STX1B: variants seen among roughly 807,000 people sequenced by gnomAD.
STX1B encodes the protein syntaxin 1B.
A neutral mutation model predicts 39.4 loss-of-function variants in STX1B; 7 were observed. The observed-to-expected ratio is 0.18, with a 90% CI of 0.10 to 0.33. The LOEUF is 0.33. Ranked by LOEUF, STX1B falls within the 10% of genes least tolerant of loss-of-function variation. The pLI is 1.00. For synonymous variants in STX1B, 136 were observed against 144.1 expected, an observed-to-expected ratio of 0.94 and a Z score of 0.40; for missense variants, 198 against 383.2, an observed-to-expected ratio of 0.52 and a Z score of 4.04.
intron 1 of STX1B, among the ~76,000 whole-genome samples, chr16:31,004,028 T>A (rs752749157): frequency 6.6e-6 from 1 of 152,114 alleles, no homozygotes; most frequent in Non-Finnish European, 1.5e-5. Context: ...CAGACTGGGC[T>A]ACCTCCCCCA....
In STX1B at chr16:30,992,644, G is replaced by GGA; in HGVS notation, c.*176_*177insTC. ...TGCTGCGATCTACGTGCGGGGACGG[G>GGA]GGGGGGGTCCATGGCCCGGTGAGGT... On this transcript the variant is annotated 3_prime_UTR_variant, in exon 10 of 10. Transcript: ENST00000215095. 2.0e-6 allele frequency: 1 copy of GGA among 495,430 alleles called. No individual in the cohort carries two copies. The highest frequency in any genetic ancestry group is 3.6e-6 in the Non-Finnish European group (1 of 280,226). The allele number at this position is 495,430 out of a possible 1,614,324, so 30.7% of individuals were successfully genotyped here.
rs772649813 is a variant in STX1B, at chr16:30,997,067, G to C, written c.355-8C>G. ...CCGGGACAGTGTGGAGTGCTACGGT[G>C]GGGGTGGGGGGACAGACGGATCAGG... On this transcript the variant is annotated splice_region_variant and splice_polypyrimidine_tract_variant and intron_variant, in intron 5 of 9. Coordinates refer to ENST00000215095, the MANE Select transcript of STX1B (RefSeq NM_052874.5). The C allele has an allele frequency of 2.8e-5, 44 of 1,592,938 alleles. No homozygotes were observed. In the Admixed American group the frequency reaches 7.0e-4, roughly 25 times the overall value.
rs937499633 is a variant in STX1B, at chr16:30,992,549, C to T, written c.*272G>A. The T allele has an allele frequency of 1.2e-5, 5 of 423,950 alleles. No individual in the cohort carries two copies. Among genetic ancestry groups the T allele is most frequent in the African/African-American group, 4.1e-5 (2 of 48,632 alleles). The allele number at this position is 423,950 out of a possible 1,614,324, so 26.3% of individuals were successfully genotyped here. A position where few individuals can be genotyped will look rare whatever the true frequency, so the allele number is the denominator to read the frequency against. ...ATCACACACATCACACGCACACGCACGCTGGGGTGTCCACACGTCTCGAGC... is the reference window on the plus strand; with the variant it reads ...ATCACACACATCACACGCACACGCATGCTGGGGTGTCCACACGTCTCGAGC... On this transcript the variant is annotated 3_prime_UTR_variant, in exon 10 of 10. Transcript: ENST00000215095.
chr16:31,002,850 G>C (rs915358703), intron 1 of STX1B, among the ~76,000 whole-genome samples: 5 of 152,186 alleles, frequency 3.3e-5, no homozygotes. Context: ...ATCAAGACAG[G>C]ATCCAAACAG....
At chr16:30,994,299 A>T (rs1368681059) in intron 7 of STX1B, among the ~76,000 whole-genome samples, 5 of 151,756 alleles carry the variant, frequency 3.3e-5, no homozygotes, top group African/African-American at 9.7e-5. Flanking sequence ...CTCAAAAAAA[A>T]AAAAAAGAGT....
intron 1 of STX1B, among the ~76,000 whole-genome samples, chr16:31,007,782 C>T (rs1291767566): frequency 1.3e-5 from 2 of 152,206 alleles, no homozygotes; most frequent in Non-Finnish European, 2.9e-5. Context: ...AACAGACACA[C>T]AGCACTGCTG....
chr16:31,005,396 G>A (rs2056649860), intron 1 of STX1B, among the ~76,000 whole-genome samples: 1 of 151,040 alleles, frequency 6.6e-6, no homozygotes, highest in Non-Finnish European at 1.5e-5. Context: ...AATCGAGGAT[G>A]TAACATATAT....
intron 7 of STX1B, 61 bp from the exon 8 acceptor site, chr16:30,993,545 G>C: frequency 5.0e-6 from 8 of 1,594,124 alleles, no homozygotes; most frequent in Middle Eastern, 3.3e-4. Flanking sequence ...CTCCACCGCA[G>C]TGGAGTGGCC....
chr16:30,993,549 AGT>A, intron 7 of STX1B, 65 bp from the exon 8 acceptor site: 1 of 1,588,326 alleles, frequency 6.3e-7, no homozygotes, highest in Non-Finnish European at 8.6e-7. Flanking sequence ...ACCGCAGTGG[AGT>A]GGCCAGGGTC....
At position 30,996,933 on chromosome 16, in the gene STX1B, G is replaced by T; in HGVS notation, c.463+18C>A. ...AGCCTCAAGGAGTTCGGGGTCCTGG[G>T]GTGGGGGGCACACGCACTGATCTCC... On this transcript the variant is annotated intron_variant, in intron 6 of 9. Transcript: ENST00000215095. The T allele has an allele frequency of 1.2e-6, 2 of 1,606,068 alleles. No individual in the cohort carries two copies. The highest frequency in any genetic ancestry group is 8.5e-7 in the Non-Finnish European group (1 of 1,174,922).
Position 31,010,353 on chromosome 16 carries a change from A to G in STX1B, c.30+14T>C. 2 of 372,636 alleles carry G rather than the reference A, an allele frequency of 5.4e-6. No individual in the cohort carries two copies. Among genetic ancestry groups the G allele is most frequent in the Non-Finnish European group, 8.6e-6 (2 of 233,076 alleles). 23.1% of individuals were successfully genotyped at this position (372,636 alleles called of 1,614,324 possible). The stretch of plus-strand genomic sequence containing the variant: ...GGGGTCCCGCCCCCCCATTCTCCCC[A>G]CCCCCAAGCTCACACTCCGCAGCTC... On this transcript the variant is annotated intron_variant, in intron 1 of 9. Transcript: ENST00000215095.
At chr16:31,006,679 G>T (rs1269987565) in intron 1 of STX1B, among the ~76,000 whole-genome samples, 3 of 152,190 alleles carry the variant, frequency 2.0e-5, no homozygotes, top group Non-Finnish European at 4.4e-5. Flanking sequence ...TGACATCTGA[G>T]CTAGGTCCTG....
chr16:30,997,033 C>T lies in STX1B; in HGVS notation c.381G>A (p.Val127=), dbSNP rs776545128. 6.2e-7 allele frequency: 1 copy of T among 1,612,688 alleles called. No individual in the cohort carries two copies. Among genetic ancestry groups the T allele is most frequent in the South Asian group, 1.1e-5 (1 of 90,982 alleles). The stretch of plus-strand genomic sequence containing the variant: ...TCGCGTTATATTCGGTCATTACCTC[C>T]ACGAACTTCCGGGACAGTGTGGAGT... The part of the protein sequence containing the change: ...TQHSTLSRKF[V]EVMTEYNATQ... Residue 127 remains valine, a synonymous_variant, in exon 6 of 10, where the codon GTG becomes GTA. Transcript: ENST00000215095.
Position 30,992,580 on chromosome 16 carries a change from C to T in STX1B, c.*241G>A. The T allele has an allele frequency of 2.1e-6, 1 of 479,812 alleles. No homozygotes were observed. The highest frequency in any genetic ancestry group is 3.7e-6 in the Non-Finnish European group (1 of 268,854). The allele number at this position is 479,812 out of a possible 1,614,324, so 29.7% of individuals were successfully genotyped here. A position where few individuals can be genotyped will look rare whatever the true frequency, so the allele number is the denominator to read the frequency against. On this transcript the variant is annotated 3_prime_UTR_variant, in exon 10 of 10. Coordinates refer to ENST00000215095, the MANE Select transcript of STX1B (RefSeq NM_052874.5). ...GGTGTCCACACGTCTCGAGCATGTG[C>T]CGGCGGCATGCATGTTGGTGTGCAT...
rs1491109683 is a variant in STX1B, at chr16:30,992,650, G to GC, written c.*170_*171insG. The GC allele has an allele frequency of 3.8e-6, 2 of 519,988 alleles. No homozygotes were observed. Among genetic ancestry groups the GC allele is most frequent in the African/African-American group, 4.0e-5 (2 of 49,428 alleles). The allele number at this position is 519,988 out of a possible 1,614,324, so 32.2% of individuals were successfully genotyped here. A position where few individuals can be genotyped will look rare whatever the true frequency, so the allele number is the denominator to read the frequency against. ...GATCTACGTGCGGGGACGGGGGGGG[G>GC]GTCCATGGCCCGGTGAGGTCCAGGG... is the stretch of plus-strand genomic sequence containing the variant. On this transcript the variant is annotated 3_prime_UTR_variant, in exon 10 of 10. Coordinates refer to ENST00000215095, the MANE Select transcript of STX1B (RefSeq NM_052874.5).
chr16:30,994,023 T>G (rs975528780), intron 7 of STX1B, among the ~76,000 whole-genome samples: 9 of 148,136 alleles, frequency 6.1e-5, no homozygotes, highest in African/African-American at 2.3e-4. Flanking sequence ...GCACAGTAGG[T>G]AGCTCATGCC....
chr16:30,995,714 C>G (rs1417973567), intron 7 of STX1B, among the ~76,000 whole-genome samples: 1 of 152,112 alleles, frequency 6.6e-6, no homozygotes, highest in South Asian at 2.1e-4. Context: ...TGGTCTCGAA[C>G]TCCTGACCTC....
rs2056554950 is a variant in STX1B, at chr16:30,991,122, T to G, written c.*1699A>C. 6.5e-6 allele frequency: 1 copy of G among 152,690 alleles called. No individual in the cohort carries two copies. Among genetic ancestry groups the G allele is most frequent in the Non-Finnish European group, 1.5e-5 (1 of 68,080 alleles). 9.5% of individuals were successfully genotyped at this position (152,690 alleles called of 1,614,324 possible). A position where few individuals can be genotyped will look rare whatever the true frequency, so the allele number is the denominator to read the frequency against. Reference sequence around the variant, plus strand: ...CCCTGCAGGGAAGTCCTTGGCATCTTGCCTCATCAGTAACATTCCTACAAG... The same window carrying G: ...CCCTGCAGGGAAGTCCTTGGCATCTGGCCTCATCAGTAACATTCCTACAAG... On this transcript the variant is annotated 3_prime_UTR_variant, in exon 10 of 10. Transcript: ENST00000215095.
rs1047165018 is a variant in STX1B at position 30,997,449 on chromosome 16, G to A, written c.354+53C>T. On this transcript the variant is annotated intron_variant, in intron 5 of 9. Transcript: ENST00000215095. ...CCTGGCCCGCCGGCCTCCAGCCTGG[G>A]CTCCTCCCGAGCTGGGTCCCGACCC... 7.0e-5 allele frequency: 105 copies of A among 1,506,634 alleles called. 1 individual carries two copies. The South Asian group carries it at 1.2e-3, about 17-fold the overall frequency. The allele number at this position is 1,506,634 out of a possible 1,614,324, so 93.3% of individuals were successfully genotyped here. A position where few individuals can be genotyped will look rare whatever the true frequency, so the allele number is the denominator to read the frequency against.
Sources: allele counts gnomAD v4.1 joint callset (sites outside exome capture counted in the v4.1 genomes callset), GRCh38; gene constraint gnomAD v4.1.1; transcripts MANE v1.5; gene names NCBI Gene and HGNC (gene_info 2026-07-23, HGNC 2026-07-21).